Variants in SOX5 observed in about 807,000 individuals in gnomAD.
The protein encoded by SOX5 is SRY-box transcription factor 5, also known as transcription factor SOX-5.
SOX5 carries 9 observed loss-of-function variants against 92.0 expected under a neutral mutation model. The ratio of observed to expected loss-of-function variants is 0.10; its 90% CI spans 0.06 to 0.17. SOX5 has a LOEUF of 0.17. Among genes scored for constraint, SOX5 ranks in the 10% least tolerant of loss-of-function variants. The probability of loss-of-function intolerance (pLI) is 1.00; values close to 1 mark genes in which losing one functional copy is unlikely to be tolerated. For missense variants in SOX5, 642 were observed against 944.5 expected (o/e 0.68, Z 4.20); for synonymous variants, 344 against 336.3 (o/e 1.02, Z -0.25).
intron 3 of SOX5, among the ~76,000 whole-genome samples, chr12:24,257,074 G>C (rs1941322949): frequency 6.6e-6 from 1 of 152,182 alleles, no homozygotes; most frequent in East Asian, 1.9e-4. Context: ...TCACAGGTTT[G>C]GGTGGCCTGC....
At chr12:24,422,847 C>CA (rs1305350810) in intron 1 of SOX5, among the ~76,000 whole-genome samples, 2 of 152,076 alleles carry the variant, frequency 1.3e-5, no homozygotes, top group African/African-American at 4.8e-5. Context: ...CCCATTCCTA[C>CA]AAAAAAATTA....
At chr12:24,557,119 G>T (rs758036600) in intron 1 of SOX5, among the ~76,000 whole-genome samples, 1 of 152,078 alleles carries the variant, frequency 6.6e-6, no homozygotes, top group Admixed American at 6.5e-5. Context: ...GGCCAGGCAC[G>T]GTGGCTCACG....
chr12:24,231,463 G>C (rs1450298605), intron 3 of SOX5, among the ~76,000 whole-genome samples: 1 of 152,170 alleles, frequency 6.6e-6, no homozygotes, highest in East Asian at 1.9e-4. Context: ...TCAACCAACT[G>C]AAAATGCTAT....
intron 4 of SOX5, among the ~76,000 whole-genome samples, chr12:24,013,320 AC>A (rs1385908956): frequency 6.6e-6 from 1 of 152,146 alleles, no homozygotes; most frequent in Non-Finnish European, 1.5e-5. Flanking sequence ...TATTTACGAA[AC>A]TTACTTTCTT....
intron 4 of SOX5, among the ~76,000 whole-genome samples, chr12:24,204,063 C>T (rs991663423): frequency 4.6e-5 from 7 of 152,050 alleles, no homozygotes; most frequent in Middle Eastern, 3.2e-3. Flanking sequence ...TCTCTCTATC[C>T]CCTTCCCCTG....
chr12:24,166,752 C>T (rs1049307012), intron 4 of SOX5, among the ~76,000 whole-genome samples: 6 of 152,200 alleles, frequency 3.9e-5, no homozygotes, highest in African/African-American at 9.6e-5. Context: ...TTCATTTTAA[C>T]GAACACGCAT....
chr12:23,857,716 C>G (rs933593472), intron 2 of SOX5, among the ~76,000 whole-genome samples: 1 of 151,000 alleles, frequency 6.6e-6, no homozygotes, highest in African/African-American at 2.4e-5. Context: ...TGACAGTGTA[C>G]TTAGGAAGTT....
chr12:23,623,507 T>G (rs1014391741), intron 8 of SOX5, among the ~76,000 whole-genome samples: 5 of 152,118 alleles, frequency 3.3e-5, no homozygotes, highest in Non-Finnish European at 5.9e-5. Context: ...TAGATGGTAC[T>G]TAGAAACAGT....
At chr12:24,220,117 T>C (rs1411299564) in intron 3 of SOX5, among the ~76,000 whole-genome samples, 2 of 152,042 alleles carry the variant, frequency 1.3e-5, no homozygotes, top group African/African-American at 2.4e-5. Flanking sequence ...ACAGCAGATA[T>C]TGTAATGTAT....
chr12:23,612,313 T>A (rs2076063592), intron 8 of SOX5, among the ~76,000 whole-genome samples: 1 of 152,120 alleles, frequency 6.6e-6, no homozygotes. Context: ...TCATTGAGAT[T>A]TTTAAGTATT....
intron 6 of SOX5, among the ~76,000 whole-genome samples, chr12:23,669,028 G>T (rs1031894): frequency 0.34 from 47,287 of 139,814 alleles, 7,453 homozygotes; most frequent in East Asian, 0.43. Context: ...TTATTTAATC[G>T]GAATTTCATT....
chr12:23,794,119 T>C (rs1322517554), intron 3 of SOX5, among the ~76,000 whole-genome samples: 1 of 152,178 alleles, frequency 6.6e-6, no homozygotes, highest in Non-Finnish European at 1.5e-5. Context: ...TTAAAAGTTT[T>C]ATCTAGATAA....
intron 4 of SOX5, among the ~76,000 whole-genome samples, chr12:24,199,502 C>A (rs1016549098): frequency 6.6e-6 from 1 of 152,198 alleles, no homozygotes; most frequent in African/African-American, 2.4e-5. Flanking sequence ...CTAACCTCAA[C>A]ATCCAATCAT....
At chr12:23,916,685 T>C (rs186156040) in intron 1 of SOX5, among the ~76,000 whole-genome samples, 4 of 152,294 alleles carry the variant, frequency 2.6e-5, no homozygotes, top group Non-Finnish European at 5.9e-5. Flanking sequence ...TTGGGTAAAA[T>C]GTATTTTATA....
At chr12:23,922,581 T>C (rs181209542) in intron 1 of SOX5, among the ~76,000 whole-genome samples, 1 of 152,354 alleles carries the variant, frequency 6.6e-6, no homozygotes, top group East Asian at 1.9e-4. Context: ...CAGGTGAAGT[T>C]GAAACCAGTC....
chr12:23,974,928 G>A (rs1948744320), intron 4 of SOX5, among the ~76,000 whole-genome samples: 1 of 151,966 alleles, frequency 6.6e-6, no homozygotes, highest in African/African-American at 2.4e-5. Context: ...ATATGTTTGG[G>A]GGGAAAGTAT....
In SOX5 at chr12:23,859,391, C is replaced by T. The variant is rs149270301; in HGVS notation, c.271-13198G>A. On this transcript the variant is annotated intron_variant, in intron 2 of 14. Coordinates refer to ENST00000451604, the MANE Select transcript of SOX5 (RefSeq NM_006940.6). ...TGCAGTTGAGATAAGGGATGAAATA[C>T]GCTCTGGTCTCCTGCAGTGCCCTTC... Among the ~76,000 whole-genome samples, 451 of 152,286 alleles carry T rather than the reference C, an allele frequency of 3.0e-3. 1 individual carries two copies. Among genetic ancestry groups the T allele is most frequent in the African/African-American group, 9.7e-3 (405 of 41,556 alleles).
chr12:24,208,693 G>A (rs373547904), intron 4 of SOX5, among the ~76,000 whole-genome samples: 3 of 152,220 alleles, frequency 2.0e-5, no homozygotes, highest in Non-Finnish European at 2.9e-5. Context: ...AGCTCTTCAC[G>A]CCAAATTTAT....
At chr12:24,082,457 CCAAA>C (rs1217437370) in intron 4 of SOX5, among the ~76,000 whole-genome samples, 2 of 137,196 alleles carry the variant, frequency 1.5e-5, no homozygotes, top group Admixed American at 1.5e-4. Flanking sequence ...GCCTCATCCT[CCAAA>C]CAAACAAGAA....
Sources: allele counts gnomAD v4.1 joint callset (sites outside exome capture counted in the v4.1 genomes callset), GRCh38; gene constraint gnomAD v4.1.1; transcripts MANE v1.5; gene names NCBI Gene and HGNC (gene_info 2026-07-23, HGNC 2026-07-21).